Variants in AGMO observed in about 807,000 individuals in gnomAD.
AGMO encodes glyceryl-ether monooxygenase.
Under a neutral mutation model 60.2 loss-of-function variants are expected in AGMO, and 75 were observed. That is an observed-to-expected ratio of 1.25 (90% confidence interval 1.03 to 1.51). The LOEUF is 1.51. Among genes scored for constraint, AGMO ranks in the 40% most tolerant of loss-of-function variants. AGMO has a pLI of 0.00. For missense variants in AGMO, 763 were observed against 525.5 expected (o/e 1.45, Z -4.42); for synonymous variants, 261 against 177.1 (o/e 1.47, Z -3.76).
intron 12 of AGMO, among the ~76,000 whole-genome samples, chr7:15,289,051 A>T (rs1245638426): frequency 1.3e-5 from 2 of 151,428 alleles, no homozygotes; most frequent in Non-Finnish European, 2.9e-5. Context: ...CATTCTTTAA[A>T]TTTTCTTTTC....
rs114814141 is a variant in AGMO at position 15,337,093 on chromosome 7, G to A, written c.1263+28421C>T. On this transcript the variant is annotated intron_variant, in intron 12 of 12. Transcript: ENST00000342526. Reference sequence around the variant, plus strand: ...ATTCCTGGATCATTTTATCAGGTTAGCAAAATGTCACATCCCTAAATCCGT... The same window carrying A: ...ATTCCTGGATCATTTTATCAGGTTAACAAAATGTCACATCCCTAAATCCGT... Among the ~76,000 whole-genome samples, 560 of 152,278 alleles carry A rather than the reference G, an allele frequency of 3.7e-3. 3 individuals carry two copies. The highest frequency in any genetic ancestry group is 0.012 in the African/African-American group (516 of 41,574).
chr7:15,218,880 G>C (rs1376902377), intron 12 of AGMO, among the ~76,000 whole-genome samples: 1 of 152,118 alleles, frequency 6.6e-6, no homozygotes, highest in Non-Finnish European at 1.5e-5. Flanking sequence ...AAAATTGAAA[G>C]AGAAGTCCAT....
At chr7:15,128,009 G>A in the AGMO span, among the ~76,000 whole-genome samples, 2 of 151,860 alleles carry the variant, frequency 1.3e-5, no homozygotes, top group Non-Finnish European at 2.9e-5. Flanking sequence ...CTAGTTCTGA[G>A]CCATTGCTTG....
At chr7:15,528,374 G>A (rs1784181384) in intron 3 of AGMO, among the ~76,000 whole-genome samples, 1 of 151,968 alleles carries the variant, frequency 6.6e-6, no homozygotes. Flanking sequence ...TTATCATGCT[G>A]GTCTGGAGCC....
chr7:15,414,193 G>A (rs999585073), intron 5 of AGMO, among the ~76,000 whole-genome samples: 2 of 151,692 alleles, frequency 1.3e-5, no homozygotes, highest in Non-Finnish European at 2.9e-5. Context: ...TAGAGATGGG[G>A]TTTCATCATG....
intron 3 of AGMO, among the ~76,000 whole-genome samples, chr7:15,453,485 C>T (rs1402707351): frequency 1.3e-5 from 2 of 152,098 alleles, no homozygotes; most frequent in Non-Finnish European, 2.9e-5. Context: ...AAAAGTGCTG[C>T]CTTAACAAAC....
chr7:15,416,027 CTT>C (rs759040945), intron 5 of AGMO, among the ~76,000 whole-genome samples: 9 of 130,886 alleles, frequency 6.9e-5, no homozygotes, highest in South Asian at 2.5e-4. Context: ...TTCTTTTTTT[CTT>C]TTTTTTTTTT....
chr7:15,353,516 A>G (rs1393411579), intron 12 of AGMO, among the ~76,000 whole-genome samples: 1 of 152,218 alleles, frequency 6.6e-6, no homozygotes, highest in African/African-American at 2.4e-5. Flanking sequence ...AAACAAGCAC[A>G]AAAGCAAGAC....
the AGMO span, among the ~76,000 whole-genome samples, chr7:15,137,561 G>A: frequency 3.3e-5 from 5 of 152,166 alleles, no homozygotes; most frequent in Non-Finnish European, 7.3e-5. Context: ...AGGTTGTGAT[G>A]CAGTGCTGGT....
chr7:15,402,130 A>C (rs1260270488), intron 5 of AGMO, among the ~76,000 whole-genome samples: 1 of 152,100 alleles, frequency 6.6e-6, no homozygotes, highest in East Asian at 1.9e-4. Flanking sequence ...ATGAAGTTTG[A>C]AAATGACAAT....
downstream of AGMO, chr7:15,200,182 A>G (rs1306605991): frequency 8.3e-6 from 1 of 120,026 alleles, no homozygotes; most frequent in Non-Finnish European, 1.7e-5. Context: ...TATTGGATAA[A>G]TGAAAAATAA....
intron 5 of AGMO, among the ~76,000 whole-genome samples, chr7:15,416,092 G>A (rs1449140825): frequency 2.0e-5 from 3 of 147,822 alleles, no homozygotes; most frequent in Non-Finnish European, 4.5e-5. Flanking sequence ...GGAGTGCAGT[G>A]GCATGATCTT....
At chr7:15,378,366 T>C (rs1360750825) in intron 10 of AGMO, among the ~76,000 whole-genome samples, 1 of 152,086 alleles carries the variant, frequency 6.6e-6, no homozygotes, top group Non-Finnish European at 1.5e-5. Flanking sequence ...ATGTTAAAAT[T>C]AAAATGGTTT....
intron 12 of AGMO, among the ~76,000 whole-genome samples, chr7:15,285,997 G>A (rs776471361): frequency 2.6e-5 from 4 of 152,104 alleles, no homozygotes; most frequent in Non-Finnish European, 5.9e-5. Context: ...TTTAATAAAT[G>A]TTGCTGTGAA....
At chr7:15,162,326 C>T in the AGMO span, among the ~76,000 whole-genome samples, 1 of 152,090 alleles carries the variant, frequency 6.6e-6, no homozygotes, top group Non-Finnish European at 1.5e-5. Context: ...CAGTTTACAA[C>T]TCAAGGTAGG....
chr7:15,392,961 T>C (rs1304526930), intron 6 of AGMO, among the ~76,000 whole-genome samples: 1 of 152,224 alleles, frequency 6.6e-6, no homozygotes, highest in African/African-American at 2.4e-5. Flanking sequence ...TTCCTAAGTG[T>C]TGAATATCTC....
At chr7:15,387,846 T>C (rs1302893721) in intron 8 of AGMO, among the ~76,000 whole-genome samples, 3 of 151,636 alleles carry the variant, frequency 2.0e-5, no homozygotes, top group Non-Finnish European at 4.4e-5. Flanking sequence ...AGGCTTTGCT[T>C]CCAATGGAAT....
Position 15,390,848 on chromosome 7 carries a change from T to G in AGMO, c.734A>C (p.Lys245Thr), listed in dbSNP as rs1444667327. ...TAATACATTTTACTTACCAAAAATT[T>G]TATCCCAAATAATAAGAACACCAGC... is the stretch of plus-strand genomic sequence containing the variant. ...NYAGVLIIWD[K>T]IFGTFEAENE... The change falls in exon 7 of 13, where the codon AAA becomes ACA. Residue 245 changes from lysine to threonine, a missense_variant. By Grantham distance (78) the Lys-to-Thr change is moderately conservative. Transcript: ENST00000342526. 5.6e-6 allele frequency: 9 copies of G among 1,604,914 alleles called. No homozygotes were observed. The highest frequency in any genetic ancestry group is 7.7e-6 in the Non-Finnish European group (9 of 1,174,052).
chr7:15,300,182 C>G (rs946313120), intron 12 of AGMO, among the ~76,000 whole-genome samples: 2 of 151,962 alleles, frequency 1.3e-5, no homozygotes, highest in African/African-American at 2.4e-5. Context: ...AAGAGATACC[C>G]AAGAGATCAA....
Sources: allele counts gnomAD v4.1 joint callset (sites outside exome capture counted in the v4.1 genomes callset), GRCh38; gene constraint gnomAD v4.1.1; transcripts MANE v1.5; gene names NCBI Gene and HGNC (gene_info 2026-07-23, HGNC 2026-07-21).